Variants in TMEM107 observed in about 807,000 individuals in gnomAD.
TMEM107 encodes transmembrane protein 107.
TMEM107 carries 18 observed loss-of-function variants against 16.8 expected under a neutral mutation model. That is an observed-to-expected ratio of 1.07 (90% confidence interval 0.74 to 1.59). The LOEUF (loss-of-function observed/expected upper bound fraction) is 1.59. Among genes scored for constraint, TMEM107 ranks in the 40% most tolerant of loss-of-function variants. TMEM107 has a pLI of 0.00. For synonymous variants in TMEM107, 68 were observed against 71.6 expected, an observed-to-expected ratio of 0.95 and a Z score of 0.25; for missense variants, 152 against 175.4, an observed-to-expected ratio of 0.87 and a Z score of 0.75.
In TMEM107 at chr17:8,173,414, C is replaced by CATAACACAAATG. The variant is rs1567549480; in HGVS notation, c.*788_*789insCATTTGTGTTAT. The CATAACACAAATG allele has an allele frequency of 1.7e-5, 13 of 743,820 alleles. No individual in the cohort carries two copies. In the Middle Eastern group the frequency reaches 2.4e-3, roughly 139 times the overall value. 46.1% of individuals were successfully genotyped at this position (743,820 alleles called of 1,614,324 possible). Reference sequence around the variant, plus strand: ...TCATAGCTATGTTTGTGGATATCTGCTAATCAGCATAACACAAATGTAAGT... The same window carrying CATAACACAAATG: ...TCATAGCTATGTTTGTGGATATCTGCATAACACAAATGTAATCAGCATAACACAAATGTAAGT... On this transcript the variant is annotated 3_prime_UTR_variant, in exon 5 of 5. Coordinates refer to ENST00000437139, the MANE Select transcript of TMEM107 (RefSeq NM_183065.4).
chr17:8,174,293 T>C (rs372512789), intron 4 of TMEM107, 21 bp from the exon 5 acceptor site: 32 of 1,606,808 alleles, frequency 2.0e-5, no homozygotes, highest in African/African-American at 4.0e-5. Flanking sequence ...AAGTGGTAGA[T>C]TCAGAAACCC....
In TMEM107 at chr17:8,175,146, A is replaced by G; in HGVS notation, c.257-530T>C. ...AGTGGCACGATCTCAGCTCACTGCA[A>G]CCTCTGCCTCCCGGGTTCAAGCAAT... On this transcript the variant is annotated intron_variant, in intron 3 of 4. Transcript: ENST00000437139. 4 of 188,328 alleles carry G rather than the reference A, an allele frequency of 2.1e-5. No homozygotes were observed. In the South Asian group the frequency reaches 3.5e-4, roughly 16 times the overall value. The allele number at this position is 188,328 out of a possible 1,614,324, so 11.7% of individuals were successfully genotyped here. A position where few individuals can be genotyped will look rare whatever the true frequency, so the allele number is the denominator to read the frequency against.
At position 8,175,863 on chromosome 17, in the gene TMEM107, G is replaced by A; in HGVS notation, c.156-6C>T. The A allele has an allele frequency of 1.2e-6, 2 of 1,614,202 alleles. No individual in the cohort carries two copies. The highest frequency in any genetic ancestry group is 4.5e-5 in the East Asian group (2 of 44,884). ...CAGAGAGCGCGGCCACCAGCCTGCA[G>A]AGAGGAAGTGGACTGGCCCAGGCCT... On this transcript the variant is annotated splice_region_variant and splice_polypyrimidine_tract_variant and intron_variant, in intron 2 of 4. Transcript: ENST00000437139.
In TMEM107 at chr17:8,174,164, C is replaced by T; in HGVS notation, c.*39G>A. The T allele has an allele frequency of 6.3e-7, 1 of 1,592,990 alleles. No homozygotes were observed. Among genetic ancestry groups the T allele is most frequent in the Non-Finnish European group, 8.6e-7 (1 of 1,160,828 alleles). On this transcript the variant is annotated 3_prime_UTR_variant, in exon 5 of 5. Coordinates refer to ENST00000437139, the MANE Select transcript of TMEM107 (RefSeq NM_183065.4). ...CCAGGAATACGAAGCGGCCCTTGCC[C>T]CTGTAGGCTTCGTCCTTAGGTTCCC...
At chr17:8,174,402 C>A (rs1983958019) in intron 4 of TMEM107, 118 bp downstream of exon 4, 1 of 1,313,814 alleles carries the variant, frequency 7.6e-7, no homozygotes, top group Non-Finnish European at 1.1e-6. Context: ...TAAAAGCCTA[C>A]AGGATGTTGA....
At chr17:8,174,960 G>A in intron 3 of TMEM107, 1 of 258,878 alleles carries the variant, frequency 3.9e-6, no homozygotes, top group South Asian at 5.0e-5. Context: ...CAGTGTCCTG[G>A]TCCTCCTGGT....
At chr17:8,174,813 G>T (rs532040909) in intron 3 of TMEM107, 197 bp from the exon 4 acceptor site, 60 of 590,718 alleles carry the variant, frequency 1.0e-4, no homozygotes, top group Non-Finnish European at 1.8e-4. Context: ...TGACTGCACA[G>T]ATCGGACCTC....
intron 3 of TMEM107, 67 bp from the exon 4 acceptor site, chr17:8,174,683 G>GCCCCACCACTGGCC: frequency 7.1e-7 from 1 of 1,403,346 alleles, no homozygotes; most frequent in Non-Finnish European, 1.0e-6. Context: ...GAAAAGGCCA[G>GCCCCACCACTGGCC]TGGTGGGGCT....
intron 3 of TMEM107, 79 bp from the exon 4 acceptor site, chr17:8,174,695 G>T: frequency 8.0e-7 from 1 of 1,245,422 alleles, no homozygotes; most frequent in Non-Finnish European, 1.2e-6. Context: ...GGTGGGGCTG[G>T]CATCTGCATT....
intron 1 of TMEM107, 77 bp downstream of exon 1, chr17:8,176,123 C>G (rs889341449): frequency 6.2e-7 from 1 of 1,601,448 alleles, no homozygotes; most frequent in South Asian, 1.1e-5. Flanking sequence ...GGGTAAGACA[C>G]TGGGAGGGGG....
Position 8,173,800 on chromosome 17 carries a change from T to G in TMEM107, c.*403A>C, listed in dbSNP as rs1026841125. ...TCCCAGAATGCTCCGATCAGTTACG[T>G]GCCGGACGTTCTAACTGTACGCACT... On this transcript the variant is annotated 3_prime_UTR_variant, in exon 5 of 5. Coordinates refer to ENST00000437139, the MANE Select transcript of TMEM107 (RefSeq NM_183065.4). 2 of 528,362 alleles carry G rather than the reference T, an allele frequency of 3.8e-6. No homozygotes were observed. The highest frequency in any genetic ancestry group is 3.8e-5 in the African/African-American group (2 of 52,048). 32.7% of individuals were successfully genotyped at this position (528,362 alleles called of 1,614,324 possible).
chr17:8,173,151 C>T lies in TMEM107; in HGVS notation c.*1052G>A, dbSNP rs982168592. ...CCATCCTGAGGGCAACCACCATGTG[C>T]ACAAGACTGCAGATATTTACTGATG... On this transcript the variant is annotated 3_prime_UTR_variant, in exon 5 of 5. Transcript: ENST00000437139. 8.8e-5 allele frequency: 27 copies of T among 305,890 alleles called. No individual in the cohort carries two copies. Among genetic ancestry groups the T allele is most frequent in the Non-Finnish European group, 9.4e-5 (15 of 159,508 alleles). The allele number at this position is 305,890 out of a possible 1,614,324, so 18.9% of individuals were successfully genotyped here. A position where few individuals can be genotyped will look rare whatever the true frequency, so the allele number is the denominator to read the frequency against.
intron 3 of TMEM107, 177 bp downstream of exon 3, chr17:8,175,580 T>A (rs1417795027): frequency 1.4e-6 from 1 of 718,344 alleles, no homozygotes; most frequent in Non-Finnish European, 2.5e-6. Context: ...GGCCAAAAAC[T>A]GTATTTTACT....
In TMEM107 at chr17:8,173,074, G is replaced by A. The variant is rs1336630969; in HGVS notation, c.*1129C>T. Among the ~76,000 whole-genome samples the A allele has an allele frequency of 1.3e-5, 2 of 151,936 alleles. No homozygotes were observed. The highest frequency in any genetic ancestry group is 2.9e-5 in the Non-Finnish European group (2 of 68,008). On this transcript the variant is annotated 3_prime_UTR_variant, in exon 5 of 5. Transcript: ENST00000437139. Reference sequence around the variant, plus strand: ...CTGCGCCGTGCACTCCTGCCTTGGCGACAGACCAAGACCCTACCTCAAGGA... The same window carrying A: ...CTGCGCCGTGCACTCCTGCCTTGGCAACAGACCAAGACCCTACCTCAAGGA...
intron 2 of TMEM107, 49 bp from the exon 3 acceptor site, chr17:8,175,906 C>G: frequency 6.2e-7 from 1 of 1,614,134 alleles, no homozygotes; most frequent in Non-Finnish European, 8.5e-7. Flanking sequence ...TATTCTAAGA[C>G]CCCTCCACTC....
chr17:8,173,871 C>A lies in TMEM107; in HGVS notation c.*332G>T, dbSNP rs1234108259. On this transcript the variant is annotated 3_prime_UTR_variant, in exon 5 of 5. Coordinates refer to ENST00000437139, the MANE Select transcript of TMEM107 (RefSeq NM_183065.4). ...CCACTCCCTTCCGCCAGGCACCTAC[C>A]GTAGTAACCAAAATAGAAGCGATAC... 2.1e-6 allele frequency: 1 copy of A among 485,844 alleles called. No homozygotes were observed. Among genetic ancestry groups the A allele is most frequent in the Non-Finnish European group, 3.7e-6 (1 of 272,966 alleles). The allele number at this position is 485,844 out of a possible 1,614,324, so 30.1% of individuals were successfully genotyped here. A position where few individuals can be genotyped will look rare whatever the true frequency, so the allele number is the denominator to read the frequency against.
chr17:8,173,182 T>C lies in TMEM107; in HGVS notation c.*1021A>G, dbSNP rs969040142. 7 of 369,556 alleles carry C rather than the reference T, an allele frequency of 1.9e-5. No homozygotes were observed. Among genetic ancestry groups the C allele is most frequent in the Non-Finnish European group, 2.0e-5 (4 of 197,840 alleles). The allele number at this position is 369,556 out of a possible 1,614,324, so 22.9% of individuals were successfully genotyped here. A position where few individuals can be genotyped will look rare whatever the true frequency, so the allele number is the denominator to read the frequency against. Reference sequence around the variant, plus strand: ...ACTGCAGATATTTACTGATGTGCAATGTTTCCTGAGAAGTGAGGATTAAAG... The same window carrying C: ...ACTGCAGATATTTACTGATGTGCAACGTTTCCTGAGAAGTGAGGATTAAAG... On this transcript the variant is annotated 3_prime_UTR_variant, in exon 5 of 5. Coordinates refer to ENST00000437139, the MANE Select transcript of TMEM107 (RefSeq NM_183065.4).
chr17:8,173,297 GAACA>G lies in TMEM107; in HGVS notation c.*902_*905del, dbSNP rs150834230. ...ACAAAAACCAAATCACAATTTTCAA[GAACA>G]AACAAATTTAGCAAGACTGCAAAAT... On this transcript the variant is annotated 3_prime_UTR_variant, in exon 5 of 5. Coordinates refer to ENST00000437139, the MANE Select transcript of TMEM107 (RefSeq NM_183065.4). The G allele has an allele frequency of 5.5e-3, 2,915 of 533,686 alleles. 75 individuals carry two copies. Among genetic ancestry groups the G allele is most frequent in the African/African-American group, 0.049 (2,596 of 52,494 alleles). The allele number at this position is 533,686 out of a possible 1,614,324, so 33.1% of individuals were successfully genotyped here. A position where few individuals can be genotyped will look rare whatever the true frequency, so the allele number is the denominator to read the frequency against.
chr17:8,173,433 T>A lies in TMEM107; in HGVS notation c.*770A>T, dbSNP rs143573551. ...TATCTGCTAATCAGCATAACACAAA[T>A]GTAAGTGATCGTCAGAAAGAATCAG... On this transcript the variant is annotated 3_prime_UTR_variant, in exon 5 of 5. Transcript: ENST00000437139. The A allele has an allele frequency of 5.5e-5, 42 of 760,230 alleles. No individual in the cohort carries two copies. The highest frequency in any genetic ancestry group is 7.0e-5 in the Non-Finnish European group (29 of 415,378). The allele number at this position is 760,230 out of a possible 1,614,324, so 47.1% of individuals were successfully genotyped here.
Sources: gnomAD v4.1 joint callset for allele counts (sites outside exome capture counted in the v4.1 genomes callset) on GRCh38, gnomAD v4.1.1 for gene constraint, MANE v1.5 for transcripts, NCBI Gene and HGNC (gene_info 2026-07-23, HGNC 2026-07-21) for gene names.